The following ATP6V1G3 variants were observed in gnomAD, a reference collection of about 807,000 sequenced individuals.
The protein encoded by ATP6V1G3 is ATPase H+ transporting V1 subunit G3.
In ATP6V1G3, 9 loss-of-function variants were observed where a neutral mutation model predicts 9.3. The ratio of observed to expected loss-of-function variants is 0.97; its 90% CI spans 0.59 to 1.69. ATP6V1G3 has a LOEUF of 1.69. Ranked by LOEUF, ATP6V1G3 falls within the 40% of genes most tolerant of loss-of-function variation. ATP6V1G3 has a pLI of 0.00. For synonymous variants in ATP6V1G3, 43 were observed against 43.8 expected (o/e 0.98, Z 0.07); for missense variants, 133 against 139.0 (o/e 0.96, Z 0.22).
At chr1:198,533,776 C>T (rs141110647) in intron 1 of ATP6V1G3, among the ~76,000 whole-genome samples, 21 of 152,112 alleles carry the variant, frequency 1.4e-4, no homozygotes, top group African/African-American at 4.6e-4. Context: ...AAATTGGGGT[C>T]CGACTTTAAG....
At chr1:198,539,082 C>A (rs560782076) in intron 1 of ATP6V1G3, among the ~76,000 whole-genome samples, 9 of 152,210 alleles carry the variant, frequency 5.9e-5, no homozygotes, top group African/African-American at 2.2e-4. Context: ...GTAAAGTTTG[C>A]CTTCACTATC....
At chr1:198,530,919 T>C (rs1659874448) in intron 1 of ATP6V1G3, among the ~76,000 whole-genome samples, 1 of 152,100 alleles carries the variant, frequency 6.6e-6, no homozygotes, top group Admixed American at 6.6e-5. Flanking sequence ...TTTTACAAAA[T>C]AAATCACATG....
At position 198,529,195 on chromosome 1, in the gene ATP6V1G3, A is replaced by AATATATAT. The variant is rs139314248; in HGVS notation, c.83-22_83-15dup. On this transcript the variant is annotated splice_polypyrimidine_tract_variant and intron_variant, in intron 1 of 2. Transcript: ENST00000367382. ...GCTTTCCTTTTCCTGAAAATTAACA[A>AATATATAT]ATATATATATATATATATATAATTA... 157 of 466,290 alleles carry AATATATAT rather than the reference A, an allele frequency of 3.4e-4. No homozygotes were observed. Among genetic ancestry groups the AATATATAT allele is most frequent in the African/African-American group, 3.3e-3 (150 of 44,856 alleles). The allele number at this position is 466,290 out of a possible 1,614,324, so 28.9% of individuals were successfully genotyped here.
chr1:198,539,744 G>T (rs369811440), intron 1 of ATP6V1G3, among the ~76,000 whole-genome samples: 6 of 152,148 alleles, frequency 3.9e-5, no homozygotes, highest in African/African-American at 1.4e-4. Flanking sequence ...AATGAGCATG[G>T]TGCCTGGCAC....
intron 1 of ATP6V1G3, among the ~76,000 whole-genome samples, chr1:198,539,673 A>G (rs1660266691): frequency 6.6e-6 from 1 of 152,248 alleles, no homozygotes; most frequent in South Asian, 2.1e-4. Context: ...GACAAGTTGT[A>G]TAATTTCTCT....
chr1:198,524,930 A>G (rs1659597382), intron 2 of ATP6V1G3, among the ~76,000 whole-genome samples: 2 of 152,210 alleles, frequency 1.3e-5, no homozygotes, highest in African/African-American at 4.8e-5. Flanking sequence ...TAAAATCTGC[A>G]TGATCTTTTT....
At chr1:198,528,019 A>C (rs1396049920) in intron 2 of ATP6V1G3, among the ~76,000 whole-genome samples, 2 of 152,118 alleles carry the variant, frequency 1.3e-5, no homozygotes, top group Non-Finnish European at 2.9e-5. Flanking sequence ...TAGCTGCTTG[A>C]GGAAGAGCAA....
chr1:198,536,687 G>GT, intron 1 of ATP6V1G3: 1 of 1,604,524 alleles, frequency 6.2e-7, no homozygotes, highest in Non-Finnish European at 8.5e-7. Flanking sequence ...ACCAGAAGCA[G>GT]TCCCAGTCTC....
At chr1:198,530,134 T>C (rs910795497) in intron 1 of ATP6V1G3, among the ~76,000 whole-genome samples, 2 of 152,308 alleles carry the variant, frequency 1.3e-5, no homozygotes, top group Admixed American at 6.5e-5. Flanking sequence ...TCTTTTTTTC[T>C]ATGAATCTAT....
intron 2 of ATP6V1G3, among the ~76,000 whole-genome samples, chr1:198,525,070 AAATAACTTTTGCAG>A (rs1375116743): frequency 1.3e-5 from 2 of 152,210 alleles, no homozygotes; most frequent in Non-Finnish European, 2.9e-5. Context: ...CTAAGACATC[AAATAACTTTTGCAG>A]AATAACATTT....
Position 198,537,881 on chromosome 1 carries a change from A to G in ATP6V1G3, c.82+2688T>C, listed in dbSNP as rs371029226. On this transcript the variant is annotated intron_variant, in intron 1 of 2. Transcript: ENST00000367382. ...CCACTGAAACATTAGGGAAGTTATA[A>G]CATACTGGTATATAAGGTAATATTT... Among the ~76,000 whole-genome samples the G allele has an allele frequency of 1.4e-4, 22 of 152,330 alleles. No homozygotes were observed. In the South Asian group the frequency reaches 4.3e-3, roughly 30 times the overall value.
rs77181329 is a variant in ATP6V1G3, at chr1:198,530,731, A to G, written c.83-1550T>C. 8.9e-3 allele frequency among the ~76,000 whole-genome samples: 1,357 copies of G among 152,238 alleles called. 33 individuals carry two copies. The highest frequency in any genetic ancestry group is 0.031 in the African/African-American group (1,301 of 41,532). ...ACCATTTTGTGACAACTACATATATATTATTCACAGAGATTCTCTGTGAGC... is the reference window on the plus strand; with the variant it reads ...ACCATTTTGTGACAACTACATATATGTTATTCACAGAGATTCTCTGTGAGC... On this transcript the variant is annotated intron_variant, in intron 1 of 2. Coordinates refer to ENST00000367382, the MANE Select transcript of ATP6V1G3 (RefSeq NM_001376861.1).
intron 1 of ATP6V1G3, among the ~76,000 whole-genome samples, 196 bp from the exon 2 acceptor site, chr1:198,529,377 A>T (rs1464232321): frequency 6.6e-6 from 1 of 151,628 alleles, no homozygotes; most frequent in Non-Finnish European, 1.5e-5. Flanking sequence ...TTTTTTCTAG[A>T]ATGGCAAACT....
At chr1:198,536,477 A>G (rs1383501502) in intron 1 of ATP6V1G3, among the ~76,000 whole-genome samples, 1 of 152,214 alleles carries the variant, frequency 6.6e-6, no homozygotes, top group East Asian at 1.9e-4. Context: ...TTATGTTTTG[A>G]TTAATGAACA....
intron 2 of ATP6V1G3, among the ~76,000 whole-genome samples, chr1:198,528,023 A>C (rs943938668): frequency 5.9e-5 from 9 of 152,134 alleles, no homozygotes; most frequent in African/African-American, 2.2e-4. Flanking sequence ...TGCTTGAGGA[A>C]GAGCAAAAGA....
chr1:198,526,262 A>G (rs900074557), intron 2 of ATP6V1G3, among the ~76,000 whole-genome samples: 1 of 152,148 alleles, frequency 6.6e-6, no homozygotes, highest in Non-Finnish European at 1.5e-5. Flanking sequence ...GTTTCAGTGA[A>G]TGAATGTAAG....
In ATP6V1G3 at chr1:198,523,360, C is replaced by T. The variant is rs914765045; in HGVS notation, c.*31G>A. On this transcript the variant is annotated 3_prime_UTR_variant, in exon 3 of 3. Coordinates refer to ENST00000367382, the MANE Select transcript of ATP6V1G3 (RefSeq NM_001376861.1). ...AAGCAACCAGGTGGCACTCACACAC[C>T]TTTTTTTTTCTTGAAAACTGTGATG... The T allele has an allele frequency of 1.3e-6, 2 of 1,554,088 alleles. No homozygotes were observed. The highest frequency in any genetic ancestry group is 2.3e-5 in the East Asian group (1 of 43,474).
chr1:198,540,584 C>T lies in ATP6V1G3; in HGVS notation c.67G>A (p.Glu23Lys). 1.2e-6 allele frequency: 2 copies of T among 1,614,054 alleles called. No homozygotes were observed. Among genetic ancestry groups the T allele is most frequent in the Non-Finnish European group, 1.7e-6 (2 of 1,179,920 alleles). ...QAEKRAKDKL[E>K]EAKKRKGKRL... ...TGAGACTTACTCTTCTTGGCTTCCT[C>T]TAGCTTGTCCTTGGCCCGTTTTTCT... Residue 23 changes from glutamate to lysine, a missense_variant, in exon 1 of 3, where the codon GAG becomes AAG. Coordinates refer to ENST00000367382, the MANE Select transcript of ATP6V1G3 (RefSeq NM_001376861.1).
At chr1:198,532,078 GCAGACGA>G (rs1259287516) in intron 1 of ATP6V1G3, among the ~76,000 whole-genome samples, 1 of 152,106 alleles carries the variant, frequency 6.6e-6, no homozygotes, top group Non-Finnish European at 1.5e-5. Flanking sequence ...TTGGAGGTAT[GCAGACGA>G]CAGCTGGGGA....
Sources: allele counts gnomAD v4.1 joint callset (sites outside exome capture counted in the v4.1 genomes callset), GRCh38; gene constraint gnomAD v4.1.1; transcripts MANE v1.5; gene names NCBI Gene and HGNC (gene_info 2026-07-23, HGNC 2026-07-21).